The following HSD17B2 variants were observed in gnomAD, a reference collection of about 807,000 sequenced individuals.
HSD17B2 encodes hydroxysteroid 17-beta dehydrogenase 2.
Under a neutral mutation model 26.9 loss-of-function variants are expected in HSD17B2, and 32 were observed. That is an observed-to-expected ratio of 1.19 (90% CI 0.90 to 1.60). HSD17B2 has a LOEUF of 1.60. Ranked by LOEUF, HSD17B2 falls within the 40% of genes most tolerant of loss-of-function variation. The pLI, the probability that HSD17B2 is intolerant of heterozygous loss-of-function variation, is 0.00. For synonymous variants in HSD17B2, 246 were observed against 186.7 expected (o/e 1.32, Z -2.59); for missense variants, 613 against 468.6 (o/e 1.31, Z -2.85).
chr16:82,090,941 C>A lies in HSD17B2; in HGVS notation c.704C>A (p.Ser235Ter). The change falls in exon 4 of 5, where the codon TCA becomes TAA. Residue 235 changes from serine to a stop codon, truncating the protein, a stop_gained. Coordinates refer to ENST00000199936, the MANE Select transcript of HSD17B2 (RefSeq NM_002153.3). LOFTEE classifies it high-confidence loss of function. ...PMERLASYGS[S>*]KAAVTMFSSV... is the part of the protein sequence containing the mutation. ...GAAAGGCTGGCATCTTATGGCTCAT[C>A]AAAGGCGGCTGTGACCATGTTCTCA... 1.2e-6 allele frequency: 2 copies of A among 1,613,966 alleles called. No homozygotes were observed. The highest frequency in any genetic ancestry group is 1.7e-6 in the Non-Finnish European group (2 of 1,179,894).
chr16:82,059,823 G>A (rs1017916663), intron 1 of HSD17B2, among the ~76,000 whole-genome samples: 10 of 152,022 alleles, frequency 6.6e-5, no homozygotes, highest in South Asian at 6.2e-4. Flanking sequence ...TTAATTTCCC[G>A]GGCACTTCAG....
chr16:82,067,800 A>G (rs981429864), intron 1 of HSD17B2, among the ~76,000 whole-genome samples: 1 of 152,228 alleles, frequency 6.6e-6, no homozygotes, highest in Admixed American at 6.5e-5. Flanking sequence ...GAGTGAGTGA[A>G]GTTACATCAA....
chr16:82,087,606 G>C (rs772688057), intron 3 of HSD17B2, among the ~76,000 whole-genome samples: 1 of 152,142 alleles, frequency 6.6e-6, no homozygotes, highest in African/African-American at 2.4e-5. Context: ...TTTTTGTTTA[G>C]ATTGTCAATG....
chr16:82,035,312 T>G lies in HSD17B2; in HGVS notation c.-113T>G, dbSNP rs1364291288. On this transcript the variant is annotated 5_prime_UTR_variant, in exon 1 of 5. Transcript: ENST00000199936. The stretch of plus-strand genomic sequence containing the variant: ...TCAGTTGAAAGGGGCTGGGGCTGCT[T>G]TCTCCCCTCCCTTCTTGACTCTCTG... The G allele has an allele frequency of 4.1e-6, 4 of 972,740 alleles. No homozygotes were observed. The East Asian group carries it at 7.3e-5, about 18-fold the overall frequency. The allele number at this position is 972,740 out of a possible 1,614,324, so 60.3% of individuals were successfully genotyped here.
intron 1 of HSD17B2, among the ~76,000 whole-genome samples, chr16:82,037,112 T>G (rs569966586): frequency 6.6e-6 from 1 of 152,364 alleles, no homozygotes; most frequent in African/African-American, 2.4e-5. Flanking sequence ...GCCGTGCATT[T>G]AGTGTTGAGT....
chr16:82,039,778 C>A (rs566559381), intron 1 of HSD17B2, among the ~76,000 whole-genome samples: 1 of 152,162 alleles, frequency 6.6e-6, no homozygotes, highest in Non-Finnish European at 1.5e-5. Flanking sequence ...TGAGAACCGA[C>A]TCAGCATCTA....
intron 1 of HSD17B2, among the ~76,000 whole-genome samples, chr16:82,054,774 G>C (rs1914216294): frequency 1.3e-5 from 2 of 152,048 alleles, no homozygotes; most frequent in South Asian, 2.1e-4. Context: ...TTCCCCACTA[G>C]TGTCTTTAGC....
chr16:82,061,441 A>G (rs923652198), intron 1 of HSD17B2, among the ~76,000 whole-genome samples: 20 of 152,214 alleles, frequency 1.3e-4, no homozygotes, highest in Non-Finnish European at 1.9e-4. Context: ...GTTAAGTGAC[A>G]GCCAAAGTCA....
At position 82,054,984 on chromosome 16, in the gene HSD17B2, T is replaced by A. The variant is rs542608733; in HGVS notation, c.266-13186T>A. On this transcript the variant is annotated intron_variant, in intron 1 of 4. Transcript: ENST00000199936. The stretch of plus-strand genomic sequence containing the variant: ...ACATTTGAGGCCAGATGGTTCTTTT[T>A]GGTGGGGTCTGTTCTATGCATTTTG... Among the ~76,000 whole-genome samples the A allele has an allele frequency of 2.0e-5, 3 of 152,334 alleles. No individual in the cohort carries two copies. The South Asian group carries it at 6.2e-4, about 32-fold the overall frequency.
At chr16:82,069,511 T>C (rs958782103) in intron 2 of HSD17B2, among the ~76,000 whole-genome samples, 9 of 152,356 alleles carry the variant, frequency 5.9e-5, no homozygotes, top group Non-Finnish European at 7.3e-5. Flanking sequence ...TCCTTGGCTT[T>C]GGGGTCCCCA....
At chr16:82,047,811 C>A (rs920663968) in intron 1 of HSD17B2, among the ~76,000 whole-genome samples, 1 of 152,168 alleles carries the variant, frequency 6.6e-6, no homozygotes, top group African/African-American at 2.4e-5. Flanking sequence ...CCAGATGGAC[C>A]ATGAGCTCCA....
chr16:82,041,093 A>T (rs952646003), intron 1 of HSD17B2, among the ~76,000 whole-genome samples: 1 of 152,222 alleles, frequency 6.6e-6, no homozygotes, highest in Admixed American at 6.5e-5. Flanking sequence ...TGTATCAGGC[A>T]TTATAGATGG....
chr16:82,052,757 A>G (rs758014909), intron 1 of HSD17B2, among the ~76,000 whole-genome samples: 1 of 152,238 alleles, frequency 6.6e-6, no homozygotes, highest in Non-Finnish European at 1.5e-5. Flanking sequence ...GATCACATGT[A>G]GTAGGAGACA....
At chr16:82,040,800 C>A (rs1375823145) in intron 1 of HSD17B2, among the ~76,000 whole-genome samples, 1 of 152,060 alleles carries the variant, frequency 6.6e-6, no homozygotes, top group African/African-American at 2.4e-5. Context: ...AGTCTGAGAG[C>A]AGTGAAGGGT....
At chr16:82,071,781 T>G (rs1914703982) in intron 3 of HSD17B2, 1 of 161,840 alleles carries the variant, frequency 6.2e-6, no homozygotes, top group African/African-American at 2.4e-5. Context: ...AAACTGGGGT[T>G]CCTTGGGCTC....
chr16:82,052,328 G>A (rs1597123572), intron 1 of HSD17B2: 1 of 152,214 alleles, frequency 6.6e-6, no homozygotes, highest in Admixed American at 6.5e-5. Flanking sequence ...CCAGGCCTTT[G>A]CAAATAATGA....
chr16:82,097,948 A>C, intron 4 of HSD17B2, 127 bp from the exon 5 acceptor site: 1 of 907,358 alleles, frequency 1.1e-6, no homozygotes, highest in Non-Finnish European at 1.5e-6. Flanking sequence ...CCAAAAATAA[A>C]AAAATAAAAA....
intron 3 of HSD17B2, among the ~76,000 whole-genome samples, chr16:82,081,145 T>C (rs1294759100): frequency 6.6e-6 from 1 of 152,160 alleles, no homozygotes; most frequent in Non-Finnish European, 1.5e-5. Flanking sequence ...AGCACTTCCA[T>C]TGGATCTGCC....
rs59543299 is a variant in HSD17B2, at chr16:82,085,576, TA to T, written c.665-5315del. ...AGAACATGTCAGACAAGGAGGGGCA[TA>T]AAAAAAAAAACCCTAACTCTGTTCT... On this transcript the variant is annotated intron_variant, in intron 3 of 4. Coordinates refer to ENST00000199936, the MANE Select transcript of HSD17B2 (RefSeq NM_002153.3). Among the ~76,000 whole-genome samples, 882 of 144,906 alleles carry T rather than the reference TA, an allele frequency of 6.1e-3. 5 individuals carry two copies. Among genetic ancestry groups the T allele is most frequent in the African/African-American group, 0.021 (815 of 39,570 alleles).
Sources: allele counts gnomAD v4.1 joint callset (sites outside exome capture counted in the v4.1 genomes callset), GRCh38; gene constraint gnomAD v4.1.1; transcripts MANE v1.5; gene names NCBI Gene and HGNC (gene_info 2026-07-23, HGNC 2026-07-21).